MAP7: variants seen among roughly 807,000 people sequenced by gnomAD.
The protein encoded by MAP7 is ensconsin.
MAP7 carries 52 observed loss-of-function variants against 94.8 expected under a neutral mutation model. The observed-to-expected ratio is 0.55, with a 90% CI of 0.44 to 0.69. MAP7 has a LOEUF of 0.69. MAP7 is among the 30% of genes least tolerant of loss of function. MAP7 has a pLI of 0.00. For missense variants in MAP7, 940 were observed against 964.6 expected (o/e 0.97, Z 0.34); for synonymous variants, 350 against 357.0 (o/e 0.98, Z 0.22).
At chr6:136,454,955 TG>T (rs1261138245) in intron 1 of MAP7, among the ~76,000 whole-genome samples, 1 of 152,048 alleles carries the variant, frequency 6.6e-6, no homozygotes, top group East Asian at 1.9e-4. Flanking sequence ...CTACTTGAGA[TG>T]TTAAATTTGG....
rs1346351202 is a variant in MAP7 at position 136,372,723 on chromosome 6, G to A, written c.752-98C>T. The A allele has an allele frequency of 4.0e-6, 6 of 1,499,888 alleles. No homozygotes were observed. In the South Asian group the frequency reaches 5.7e-5, roughly 14 times the overall value. 92.9% of individuals were successfully genotyped at this position (1,499,888 alleles called of 1,614,324 possible). ...TTGAAGAAAGCCAAAAGCAGGTTCA[G>A]GAAAAGGAGCAAAGCAGAGATAGAG... is the stretch of plus-strand genomic sequence containing the variant. On this transcript the variant is annotated intron_variant, in intron 7 of 17. Coordinates refer to ENST00000354570, the MANE Select transcript of MAP7 (RefSeq NM_003980.6).
rs749696752 is a variant in MAP7 at position 136,362,605 on chromosome 6, C to T, written c.1371G>A (p.Pro457=). Residue 457 remains proline, a synonymous_variant, in exon 11 of 18, where the codon CCG becomes CCA. Transcript: ENST00000354570. ...AAGCACTGGCATTCACAGTGGATGA[C>T]GGGGCTGAGACCATGGCTGGGGTGG... ...PVPTPAMVSA[P]SSTVNASASV... 8.1e-6 allele frequency: 13 copies of T among 1,613,644 alleles called. No homozygotes were observed. In the East Asian group the frequency reaches 8.9e-5, roughly 11 times the overall value.
chr6:136,480,447 C>T (rs1812386921), intron 1 of MAP7, among the ~76,000 whole-genome samples: 1 of 151,826 alleles, frequency 6.6e-6, no homozygotes, highest in African/African-American at 2.4e-5. Flanking sequence ...TCAAGACCAT[C>T]CTGGCTAACA....
intron 1 of MAP7, among the ~76,000 whole-genome samples, chr6:136,469,012 G>C (rs1157719806): frequency 6.6e-6 from 1 of 151,946 alleles, no homozygotes; most frequent in Non-Finnish European, 1.5e-5. Flanking sequence ...TTAACTAAAT[G>C]GTGGTGAATT....
chr6:136,504,966 C>G (rs1305586871), intron 1 of MAP7, among the ~76,000 whole-genome samples: 2 of 152,206 alleles, frequency 1.3e-5, no homozygotes, highest in African/African-American at 2.4e-5. Context: ...AGGCATGAGC[C>G]ACCATGCCCA....
intron 3 of MAP7, among the ~76,000 whole-genome samples, chr6:136,391,673 C>CAA (rs60810064): frequency 1.3e-3 from 189 of 143,982 alleles, no homozygotes; most frequent in Middle Eastern, 3.6e-3. Flanking sequence ...AACTATTATT[C>CAA]AAAAAAAAAA....
chr6:136,534,327 CCTT>C (rs377747098), intron 1 of MAP7, among the ~76,000 whole-genome samples: 98 of 152,338 alleles, frequency 6.4e-4, no homozygotes, highest in Admixed American at 4.8e-3. Context: ...CAGACTTCCT[CCTT>C]CTTCTTCTTT....
At chr6:136,497,122 C>T (rs1818493086) in intron 1 of MAP7, among the ~76,000 whole-genome samples, 1 of 152,004 alleles carries the variant, frequency 6.6e-6, no homozygotes, top group African/African-American at 2.4e-5. Context: ...CAGAGCTTCT[C>T]CTAACTCCAA....
intron 1 of MAP7, among the ~76,000 whole-genome samples, chr6:136,480,641 CAAA>C (rs769951186): frequency 9.9e-5 from 2 of 20,154 alleles, no homozygotes; most frequent in South Asian, 2.1e-3. Flanking sequence ...GACTCTGCCT[CAAA>C]AAAAAAAAAA....
intron 8 of MAP7, among the ~76,000 whole-genome samples, chr6:136,367,355 G>C (rs1490541862): frequency 2.6e-5 from 4 of 152,222 alleles, no homozygotes; most frequent in Non-Finnish European, 4.4e-5. Flanking sequence ...CCTGTCAGGA[G>C]GGCAGACTGC....
intron 1 of MAP7, among the ~76,000 whole-genome samples, chr6:136,518,440 A>C (rs1177295048): frequency 2.0e-5 from 3 of 152,220 alleles, no homozygotes; most frequent in Non-Finnish European, 4.4e-5. Flanking sequence ...TCTGGTAAAC[A>C]TTCAAACAAT....
At chr6:136,393,460 C>T (rs755946457) in intron 3 of MAP7, among the ~76,000 whole-genome samples, 2 of 152,030 alleles carry the variant, frequency 1.3e-5, no homozygotes, top group Admixed American at 6.6e-5. Flanking sequence ...GGATGAGGCC[C>T]GGTAACTTGA....
At chr6:136,385,653 G>A (rs1222878999) in intron 5 of MAP7, among the ~76,000 whole-genome samples, 3 of 152,270 alleles carry the variant, frequency 2.0e-5, no homozygotes, top group Non-Finnish European at 4.4e-5. Flanking sequence ...GCCATAAATT[G>A]TTAAAATTAT....
At chr6:136,348,612 C>A (rs1187844849) in intron 16 of MAP7, among the ~76,000 whole-genome samples, 1 of 152,176 alleles carries the variant, frequency 6.6e-6, no homozygotes, top group Non-Finnish European at 1.5e-5. Context: ...GGGTTGGGAC[C>A]TTGGCAAGAA....
At chr6:136,549,545 C>T (rs1002627237) in intron 1 of MAP7, among the ~76,000 whole-genome samples, 1 of 152,154 alleles carries the variant, frequency 6.6e-6, no homozygotes, top group Non-Finnish European at 1.5e-5. Flanking sequence ...GGGACGTGAT[C>T]CCCTGTCCCT....
chr6:136,397,488 T>C lies in MAP7; in HGVS notation c.245-7971A>G, dbSNP rs542457799. The stretch of plus-strand genomic sequence containing the variant: ...TCAGCAACTGTTATTGACTGAATTG[T>C]TCCCCGCCCACCTTGCCCCCACCCC... On this transcript the variant is annotated intron_variant, in intron 3 of 17. Coordinates refer to ENST00000354570, the MANE Select transcript of MAP7 (RefSeq NM_003980.6). Among the ~76,000 whole-genome samples, 5 of 152,080 alleles carry C rather than the reference T, an allele frequency of 3.3e-5. No individual in the cohort carries two copies. In the South Asian group the frequency reaches 1.0e-3, roughly 32 times the overall value.
chr6:136,506,779 T>C (rs1821652140), intron 1 of MAP7, among the ~76,000 whole-genome samples: 1 of 152,216 alleles, frequency 6.6e-6, no homozygotes, highest in Non-Finnish European at 1.5e-5. Context: ...GGACAAACCG[T>C]AACCTAGCTT....
At chr6:136,363,568 G>T (rs956820985) in intron 10 of MAP7, among the ~76,000 whole-genome samples, 1 of 152,124 alleles carries the variant, frequency 6.6e-6, no homozygotes, top group Non-Finnish European at 1.5e-5. Flanking sequence ...ATTTTAACCT[G>T]TTTTGAATCA....
intron 1 of MAP7, among the ~76,000 whole-genome samples, chr6:136,422,799 G>C (rs932605607): frequency 6.6e-6 from 1 of 152,152 alleles, no homozygotes; most frequent in Non-Finnish European, 1.5e-5. Flanking sequence ...TCTTAGGTTG[G>C]ATGTATTTCT....
Sources: gnomAD v4.1 joint callset for allele counts (sites outside exome capture counted in the v4.1 genomes callset) on GRCh38, gnomAD v4.1.1 for gene constraint, MANE v1.5 for transcripts, NCBI Gene and HGNC (gene_info 2026-07-23, HGNC 2026-07-21) for gene names.